EFHC2: variants seen among roughly 807,000 people sequenced by gnomAD.
EFHC2 encodes the protein EF-hand domain containing 2.
A neutral mutation model predicts 52.7 loss-of-function variants in EFHC2; 18 were observed. The ratio of observed to expected loss-of-function variants is 0.34; its 90% CI spans 0.24 to 0.51. The LOEUF is 0.51. Among genes scored for constraint, EFHC2 ranks in the 20% least tolerant of loss-of-function variants. The pLI is 0.97. For synonymous variants in EFHC2, 203 were observed against 204.1 expected, an observed-to-expected ratio of 0.99 and a Z score of 0.04; for missense variants, 513 against 562.5, an observed-to-expected ratio of 0.91 and a Z score of 0.89.
chrX:44,187,646 G>A (rs974478646), intron 11 of EFHC2, among the ~76,000 whole-genome samples: 2 of 111,120 alleles, frequency 1.8e-5, no homozygotes, highest in Non-Finnish European at 3.8e-5. Flanking sequence ...AAATTAGCTC[G>A]ACATTGTGGT....
At chrX:44,187,250 AC>A (rs2036884089) in intron 11 of EFHC2, among the ~76,000 whole-genome samples, 1 of 106,027 alleles carries the variant, frequency 9.4e-6, no homozygotes, top group Admixed American at 1.0e-4. Context: ...AACCATACAC[AC>A]CCCTGCCACC....
intron 2 of EFHC2, among the ~76,000 whole-genome samples, chrX:44,278,768 T>A (rs1041138262): frequency 8.9e-6 from 1 of 112,133 alleles, no homozygotes; most frequent in East Asian, 2.8e-4. Context: ...TTATTACCAT[T>A]AGATCATATC....
chrX:44,262,512 C>CAAAAAAAAAAAA (rs749239313), intron 3 of EFHC2, among the ~76,000 whole-genome samples: 4 of 29,203 alleles, frequency 1.4e-4, no homozygotes, highest in Admixed American at 3.9e-4. Flanking sequence ...AGCCCTGTCT[C>CAAAAAAAAAAAA]AAAAAAAAAA....
At chrX:44,314,302 G>A (rs754720715) in intron 1 of EFHC2, among the ~76,000 whole-genome samples, 14 of 112,372 alleles carry the variant, frequency 1.2e-4, no homozygotes, top group Admixed American at 1.0e-3. Context: ...ACACTGCCCA[G>A]GACTGTATAT....
At chrX:44,336,350 A>G (rs1388742818) in intron 1 of EFHC2, among the ~76,000 whole-genome samples, 6 of 107,992 alleles carry the variant, frequency 5.6e-5, no homozygotes, top group Non-Finnish European at 9.6e-5. Context: ...TCGCGCCACT[A>G]CACTCCCCTG....
At chrX:44,317,776 G>A (rs374142145) in intron 1 of EFHC2, among the ~76,000 whole-genome samples, 9 of 113,089 alleles carry the variant, frequency 8.0e-5, no homozygotes, top group East Asian at 2.8e-4. Context: ...CCTAAGCGAC[G>A]GAGACCCTGT....
chrX:44,294,819 TTAA>T (rs1244186398), intron 2 of EFHC2, among the ~76,000 whole-genome samples: 6 of 112,050 alleles, frequency 5.4e-5, no homozygotes, highest in Admixed American at 9.5e-5. Flanking sequence ...TAGGAAAGAC[TTAA>T]TAATATTGTA....
At chrX:44,223,994 T>A (rs1375793913) in intron 11 of EFHC2, among the ~76,000 whole-genome samples, 1 of 112,058 alleles carries the variant, frequency 8.9e-6, no homozygotes, top group Non-Finnish European at 1.9e-5. Context: ...CATTACCATG[T>A]TCTAAGCACT....
intron 1 of EFHC2, among the ~76,000 whole-genome samples, chrX:44,328,577 C>A (rs2038066265): frequency 8.9e-6 from 1 of 111,891 alleles, no homozygotes; most frequent in African/African-American, 3.2e-5. Flanking sequence ...TGCAATCTCC[C>A]CGTGACCCCC....
intron 11 of EFHC2, among the ~76,000 whole-genome samples, chrX:44,204,603 C>A (rs2037033171): frequency 9.0e-6 from 1 of 111,460 alleles, no homozygotes; most frequent in African/African-American, 3.3e-5. Context: ...GAAGCCTTGA[C>A]AATAGACTAG....
intron 11 of EFHC2, among the ~76,000 whole-genome samples, chrX:44,227,924 A>G (rs920204426): frequency 1.5e-4 from 17 of 111,408 alleles, no homozygotes; most frequent in Non-Finnish European, 2.8e-4. Flanking sequence ...GACAGGAAAG[A>G]GCTTGATGTG....
intron 2 of EFHC2, among the ~76,000 whole-genome samples, chrX:44,288,062 C>G (rs1418870638): frequency 9.0e-6 from 1 of 110,954 alleles, no homozygotes; most frequent in Non-Finnish European, 1.9e-5. Flanking sequence ...TTTAAAAACC[C>G]AAACAAAATA....
intron 8 of EFHC2, among the ~76,000 whole-genome samples, chrX:44,240,569 G>A (rs952415757): frequency 3.6e-5 from 4 of 111,909 alleles, no homozygotes; most frequent in Admixed American, 2.8e-4. Context: ...TCCTTCGGGT[G>A]GCTGTCCTTA....
chrX:44,317,221 T>A (rs891701671), intron 1 of EFHC2, among the ~76,000 whole-genome samples: 1 of 111,333 alleles, frequency 9.0e-6, no homozygotes, highest in Non-Finnish European at 1.9e-5. Flanking sequence ...CACAGGTTCA[T>A]ATTATTACTA....
chrX:44,319,002 C>CTT (rs561439134), intron 1 of EFHC2, among the ~76,000 whole-genome samples: 40 of 91,341 alleles, frequency 4.4e-4, no homozygotes, highest in African/African-American at 7.6e-4. Flanking sequence ...AGGCAAAAGA[C>CTT]TTTTTTTTTT....
chrX:44,256,255 T>C (rs751037890), intron 4 of EFHC2, among the ~76,000 whole-genome samples: 26 of 110,668 alleles, frequency 2.3e-4, no homozygotes, highest in Non-Finnish European at 1.1e-4. Context: ...GCAAATAAAT[T>C]CAAAAGCTAG....
intron 3 of EFHC2, among the ~76,000 whole-genome samples, chrX:44,267,733 G>C (rs1461970512): frequency 9.0e-6 from 1 of 111,098 alleles, no homozygotes; most frequent in Non-Finnish European, 1.9e-5. Flanking sequence ...CCAGATGCAT[G>C]GAAAGCAAGC....
intron 2 of EFHC2, among the ~76,000 whole-genome samples, chrX:44,308,369 T>C (rs2037921182): frequency 9.3e-6 from 1 of 107,207 alleles, no homozygotes; most frequent in Non-Finnish European, 1.9e-5. Flanking sequence ...AATTTAATCA[T>C]AGCACATAAA....
chrX:44,195,062 C>A (rs899467688), intron 11 of EFHC2, among the ~76,000 whole-genome samples: 1 of 112,093 alleles, frequency 8.9e-6, no homozygotes, highest in Non-Finnish European at 1.9e-5. Context: ...TTCAATACTT[C>A]CCTCTCACTA....
Sources: gnomAD v4.1 joint callset for allele counts (sites outside exome capture counted in the v4.1 genomes callset) on GRCh38, gnomAD v4.1.1 for gene constraint, MANE v1.5 for transcripts, NCBI Gene and HGNC (gene_info 2026-07-23, HGNC 2026-07-21) for gene names.